ANO10: variants seen among roughly 807,000 people sequenced by gnomAD.
ANO10 encodes anoctamin 10.
In ANO10, 77 loss-of-function variants were observed where a neutral mutation model predicts 74.7. That is an observed-to-expected ratio of 1.03 (90% CI 0.86 to 1.25). The LOEUF (loss-of-function observed/expected upper bound fraction) is 1.25, where lower values mean the gene tolerates loss of function less well. Ranked by LOEUF, ANO10 falls within the 50% of genes most tolerant of loss-of-function variation. The probability of loss-of-function intolerance (pLI) is 0.00; values close to 1 mark genes in which losing one functional copy is unlikely to be tolerated. For missense variants in ANO10, 721 were observed against 778.1 expected (o/e 0.93, Z 0.87); for synonymous variants, 279 against 284.9 (o/e 0.98, Z 0.21).
intron 12 of ANO10, among the ~76,000 whole-genome samples, chr3:43,418,119 A>G (rs1236938002): frequency 6.6e-6 from 1 of 152,242 alleles, no homozygotes; most frequent in African/African-American, 2.4e-5. Context: ...TCTACTAAAA[A>G]TAAAAAAATT....
At chr3:43,566,314 C>T (rs979238311) in intron 7 of ANO10, among the ~76,000 whole-genome samples, 1 of 152,232 alleles carries the variant, frequency 6.6e-6, no homozygotes, top group Non-Finnish European at 1.5e-5. Context: ...CTGGGAAGCT[C>T]GAACTGGGTG....
At position 43,412,877 on chromosome 3, in the gene ANO10, C is replaced by G. The variant is rs149671307; in HGVS notation, c.1914+19734G>C. Among the ~76,000 whole-genome samples the G allele has an allele frequency of 2.8e-3, 422 of 152,156 alleles. 6 individuals carry two copies. The highest frequency in any genetic ancestry group is 0.024 in the Admixed American group (372 of 15,274). ...ACCAGCCTGGCCGACATGGTGAAAC[C>G]CCACCTGTACTAAAACCACAAAAAT... is the stretch of plus-strand genomic sequence containing the variant. On this transcript the variant is annotated intron_variant, in intron 12 of 12. Coordinates refer to ENST00000292246, the MANE Select transcript of ANO10 (RefSeq NM_018075.5).
At chr3:43,588,448 A>C (rs189823326) in intron 4 of ANO10, among the ~76,000 whole-genome samples, 16 of 152,248 alleles carry the variant, frequency 1.1e-4, no homozygotes, top group Admixed American at 9.8e-4. Context: ...TATTTTAAGC[A>C]CACAAAAAAG....
intron 11 of ANO10, among the ~76,000 whole-genome samples, chr3:43,499,898 C>T (rs2077040862): frequency 1.3e-5 from 2 of 151,772 alleles, no homozygotes; most frequent in African/African-American, 4.8e-5. Context: ...GTGGCGTGAC[C>T]TCGGCTCACT....
intron 1 of ANO10, among the ~76,000 whole-genome samples, chr3:43,667,952 C>G (rs900851612): frequency 6.6e-6 from 1 of 152,074 alleles, no homozygotes; most frequent in Non-Finnish European, 1.5e-5. Context: ...TGGGTAGATA[C>G]CCAGTAGTGG....
intron 1 of ANO10, among the ~76,000 whole-genome samples, chr3:43,655,482 G>C (rs1011595486): frequency 4.6e-5 from 7 of 152,204 alleles, no homozygotes; most frequent in African/African-American, 1.7e-4. Context: ...TACAGTGTGG[G>C]AGGGGACCCA....
chr3:43,580,349 A>C lies in ANO10; in HGVS notation c.592+4T>G. 6.2e-7 allele frequency: 1 copy of C among 1,613,780 alleles called. No homozygotes were observed. The highest frequency in any genetic ancestry group is 8.5e-7 in the Non-Finnish European group (1 of 1,179,822). ...TCTTTAAGAGAACAAGTACTGACAC[A>C]TACCTATGGGCTGATACTTCAAAGC... On this transcript the variant is annotated splice_donor_region_variant and intron_variant, in intron 5 of 12. Coordinates refer to ENST00000292246, the MANE Select transcript of ANO10 (RefSeq NM_018075.5).
At chr3:43,369,850 A>G (rs911142329) in intron 12 of ANO10, among the ~76,000 whole-genome samples, 2 of 152,232 alleles carry the variant, frequency 1.3e-5, no homozygotes, top group Non-Finnish European at 2.9e-5. Flanking sequence ...CTTTCCTGAG[A>G]CAAGCTAAGT....
At chr3:43,690,943 G>A (rs532635420) in intron 1 of ANO10, 3 of 1,541,090 alleles carry the variant, frequency 1.9e-6, no homozygotes, top group East Asian at 2.7e-5. Context: ...GGCCCAGTCG[G>A]CCTGTCAGCC....
intron 12 of ANO10, among the ~76,000 whole-genome samples, chr3:43,432,397 A>G (rs2092996523): frequency 6.6e-6 from 1 of 152,068 alleles, no homozygotes; most frequent in Admixed American, 6.6e-5. Flanking sequence ...CATTGCCTGA[A>G]TATTTTTGTT....
At chr3:43,574,886 G>T in intron 6 of ANO10, 22 bp from the exon 7 acceptor site, 2 of 1,607,298 alleles carry the variant, frequency 1.2e-6, no homozygotes, top group Non-Finnish European at 1.7e-6. Flanking sequence ...AAACACACAG[G>T]TAACTTCTCA....
chr3:43,418,845 T>C (rs2148908966), intron 12 of ANO10, among the ~76,000 whole-genome samples: 1 of 152,376 alleles, frequency 6.6e-6, no homozygotes, highest in Middle Eastern at 3.4e-3. Flanking sequence ...AATAGGTCCC[T>C]AAGCCAAAAC....
intron 12 of ANO10, among the ~76,000 whole-genome samples, chr3:43,402,811 A>G (rs1416493433): frequency 6.6e-6 from 1 of 152,206 alleles, no homozygotes; most frequent in East Asian, 1.9e-4. Context: ...AAACAACTGA[A>G]CAGTAGACCA....
At chr3:43,457,142 T>C (rs773116018) in intron 11 of ANO10, among the ~76,000 whole-genome samples, 1 of 152,172 alleles carries the variant, frequency 6.6e-6, no homozygotes, top group Admixed American at 6.5e-5. Flanking sequence ...GGGAGGAAAC[T>C]AGATAAAAAA....
chr3:43,651,984 C>T (rs1463318840), intron 1 of ANO10, among the ~76,000 whole-genome samples: 1 of 152,106 alleles, frequency 6.6e-6, no homozygotes, highest in Admixed American at 6.5e-5. Context: ...AAGCAGAGTT[C>T]CTTTTTAAAG....
rs2079373170 is a variant in ANO10 at position 43,549,790 on chromosome 3, A to G, written c.1727T>C (p.Met576Thr). The part of the protein sequence containing the change: ...SVVTNCALIG[M>T]SPQVNAVFPE... The stretch of plus-strand genomic sequence containing the variant: ...AAAGACTGCATTCACTTGTGGTGAC[A>G]TTCCAATCAGCGCACAGTTAGTGAC... The change falls in exon 11 of 13, where the codon ATG becomes ACG. Residue 576 changes from methionine to threonine, a missense_variant. By Grantham distance (81) the Met-to-Thr change is moderately conservative. Coordinates refer to ENST00000292246, the MANE Select transcript of ANO10 (RefSeq NM_018075.5). 6.2e-7 allele frequency: 1 copy of G among 1,613,934 alleles called. No homozygotes were observed. The highest frequency in any genetic ancestry group is 1.3e-5 in the African/African-American group (1 of 74,924).
chr3:43,677,812 A>T (rs2084142767), intron 1 of ANO10, among the ~76,000 whole-genome samples: 1 of 152,158 alleles, frequency 6.6e-6, no homozygotes, highest in Non-Finnish European at 1.5e-5. Context: ...TTGACTTAGG[A>T]GAGGGAATAG....
intron 12 of ANO10, among the ~76,000 whole-genome samples, chr3:43,386,562 A>G (rs1019164226): frequency 4.6e-5 from 7 of 152,082 alleles, no homozygotes; most frequent in Non-Finnish European, 1.0e-4. Flanking sequence ...ATTCTCATGC[A>G]AAGGTTTCTC....
chr3:43,563,182 A>G (rs760117007), intron 8 of ANO10, among the ~76,000 whole-genome samples: 4 of 152,196 alleles, frequency 2.6e-5, no homozygotes, highest in Non-Finnish European at 5.9e-5. Context: ...TTCTCTAAAG[A>G]AGACATTTAC....
Sources: gnomAD v4.1 joint callset for allele counts (sites outside exome capture counted in the v4.1 genomes callset) on GRCh38, gnomAD v4.1.1 for gene constraint, MANE v1.5 for transcripts, NCBI Gene and HGNC (gene_info 2026-07-23, HGNC 2026-07-21) for gene names.